Variants in CTNNA3 observed in about 807,000 individuals in gnomAD.
CTNNA3 encodes the protein catenin alpha 3, also known as catenin alpha-3.
A neutral mutation model predicts 95.7 loss-of-function variants in CTNNA3; 76 were observed. The ratio of observed to expected loss-of-function variants is 0.79; its 90% CI spans 0.66 to 0.96. CTNNA3 has a LOEUF of 0.96. Among genes scored for constraint, CTNNA3 ranks in the 40% least tolerant of loss-of-function variants. CTNNA3 has a pLI of 0.00. For missense variants in CTNNA3, 1,191 were observed against 1,089.8 expected (o/e 1.09, Z -1.31); for synonymous variants, 431 against 374.4 (o/e 1.15, Z -1.74).
chr10:66,562,246 A>G (rs1337848778), intron 10 of CTNNA3, among the ~76,000 whole-genome samples: 1 of 152,104 alleles, frequency 6.6e-6, no homozygotes, highest in African/African-American at 2.4e-5. Flanking sequence ...TTCATATATA[A>G]GGTAACTGAC....
At chr10:67,581,841 T>C (rs1252074821) in intron 3 of CTNNA3, among the ~76,000 whole-genome samples, 1 of 152,176 alleles carries the variant, frequency 6.6e-6, no homozygotes, top group Non-Finnish European at 1.5e-5. Flanking sequence ...TCTAGTTTTT[T>C]TGTGTAGAAG....
At chr10:67,735,513 A>C (rs892555178) in intron 1 of CTNNA3, among the ~76,000 whole-genome samples, 1 of 152,188 alleles carries the variant, frequency 6.6e-6, no homozygotes, top group Admixed American at 6.5e-5. Flanking sequence ...ATTTGTCCCA[A>C]GGAAATATAC....
At chr10:65,931,066 A>T (rs898839386) in intron 17 of CTNNA3, among the ~76,000 whole-genome samples, 1 of 152,170 alleles carries the variant, frequency 6.6e-6, no homozygotes, top group Non-Finnish European at 1.5e-5. Flanking sequence ...TTCATGACCC[A>T]GATTTTTCAG....
intron 15 of CTNNA3, among the ~76,000 whole-genome samples, chr10:66,068,713 A>G (rs2133598260): frequency 6.6e-6 from 1 of 152,310 alleles, no homozygotes; most frequent in Non-Finnish European, 1.5e-5. Context: ...GTTTGTGTAC[A>G]TTAGTTACTA....
At chr10:66,061,626 T>C (rs776761855) in intron 15 of CTNNA3, among the ~76,000 whole-genome samples, 24 of 152,036 alleles carry the variant, frequency 1.6e-4, no homozygotes, top group Middle Eastern at 3.2e-3. Context: ...CCTATCACTT[T>C]CTTCATGCCC....
At chr10:66,497,195 C>A (rs1271916519) in intron 11 of CTNNA3, among the ~76,000 whole-genome samples, 1 of 152,014 alleles carries the variant, frequency 6.6e-6, no homozygotes, top group Non-Finnish European at 1.5e-5. Flanking sequence ...ATAAAGCGTT[C>A]TTGCCCTCCA....
At chr10:66,086,485 G>A (rs1443909614) in intron 14 of CTNNA3, among the ~76,000 whole-genome samples, 1 of 151,974 alleles carries the variant, frequency 6.6e-6, no homozygotes, top group Non-Finnish European at 1.5e-5. Flanking sequence ...TCATGGGCAT[G>A]CGAATTTTTT....
intron 11 of CTNNA3, among the ~76,000 whole-genome samples, chr10:66,502,955 C>CT (rs5785759): frequency 0.16 from 24,748 of 151,908 alleles, 2,138 homozygotes; most frequent in African/African-American, 0.19. Context: ...ATTTTTTTTA[C>CT]TTTTAATATC....
At chr10:67,042,745 G>A (rs544279961) in intron 7 of CTNNA3, among the ~76,000 whole-genome samples, 76 of 152,180 alleles carry the variant, frequency 5.0e-4, no homozygotes, top group African/African-American at 1.8e-3. Context: ...AGAAGGAAGA[G>A]TAGGACTGAA....
chr10:67,670,025 T>G (rs1840400834), intron 1 of CTNNA3, among the ~76,000 whole-genome samples: 1 of 152,222 alleles, frequency 6.6e-6, no homozygotes, highest in Non-Finnish European at 1.5e-5. Flanking sequence ...CTGAGTATTT[T>G]TTGGAAGAGT....
chr10:67,544,920 G>C (rs1488269032), intron 3 of CTNNA3, among the ~76,000 whole-genome samples: 2 of 152,146 alleles, frequency 1.3e-5, no homozygotes, highest in Non-Finnish European at 2.9e-5. Context: ...CCAGGTAAAG[G>C]CAACAGCAGA....
chr10:66,558,659 T>C (rs1049410487), intron 10 of CTNNA3, among the ~76,000 whole-genome samples: 1 of 152,170 alleles, frequency 6.6e-6, no homozygotes, highest in Non-Finnish European at 1.5e-5. Context: ...CTGATTTGTG[T>C]CTATTTCATT....
intron 6 of CTNNA3, among the ~76,000 whole-genome samples, chr10:67,215,599 A>G (rs1864322350): frequency 6.6e-6 from 1 of 152,168 alleles, no homozygotes; most frequent in Admixed American, 6.6e-5. Flanking sequence ...AGTCCAGATA[A>G]GGACAGGCCT....
intron 7 of CTNNA3, among the ~76,000 whole-genome samples, chr10:67,076,683 C>A (rs994715109): frequency 6.6e-6 from 1 of 152,074 alleles, no homozygotes; most frequent in Non-Finnish European, 1.5e-5. Flanking sequence ...GAATGAAATT[C>A]CAGGTAACCA....
At chr10:66,693,704 G>C (rs955681971) in intron 9 of CTNNA3, among the ~76,000 whole-genome samples, 24 of 152,034 alleles carry the variant, frequency 1.6e-4, no homozygotes, top group African/African-American at 5.6e-4. Context: ...TGACCACATA[G>C]TTGGAAGTAA....
chr10:65,931,812 G>A (rs2077258198), intron 17 of CTNNA3, among the ~76,000 whole-genome samples: 1 of 152,188 alleles, frequency 6.6e-6, no homozygotes. Context: ...AGAGGACGAG[G>A]TTCAAACACA....
chr10:66,063,095 A>G (rs2080236210), intron 15 of CTNNA3, among the ~76,000 whole-genome samples: 1 of 151,752 alleles, frequency 6.6e-6, no homozygotes, highest in South Asian at 2.1e-4. Flanking sequence ...CTACTCCCCA[A>G]TATCAGTTCC....
intron 11 of CTNNA3, among the ~76,000 whole-genome samples, chr10:66,429,486 C>T (rs1232684935): frequency 1.3e-5 from 2 of 152,204 alleles, no homozygotes; most frequent in Admixed American, 6.5e-5. Flanking sequence ...TGATGAACGT[C>T]AATGCAAAAA....
intron 7 of CTNNA3, among the ~76,000 whole-genome samples, chr10:67,109,740 G>A (rs1858821375): frequency 6.6e-6 from 1 of 152,186 alleles, no homozygotes; most frequent in Non-Finnish European, 1.5e-5. Context: ...CTACTCGGGA[G>A]GCTGAGACAG....
Sources: allele counts gnomAD v4.1 joint callset (sites outside exome capture counted in the v4.1 genomes callset), GRCh38; gene constraint gnomAD v4.1.1; transcripts MANE v1.5; gene names NCBI Gene and HGNC (gene_info 2026-07-23, HGNC 2026-07-21).